GOLT1A: variants seen among roughly 807,000 people sequenced by gnomAD.
GOLT1A encodes the protein golgi transport 1A.
A neutral mutation model predicts 16.1 loss-of-function variants in GOLT1A; 10 were observed. The ratio of observed to expected loss-of-function variants is 0.62; its 90% CI spans 0.38 to 1.05. GOLT1A has a LOEUF of 1.05. GOLT1A is among the 50% of genes least tolerant of loss of function. The pLI, the probability that GOLT1A is intolerant of heterozygous loss-of-function variation, is 0.01. For synonymous variants in GOLT1A, 60 were observed against 67.9 expected, an observed-to-expected ratio of 0.88 and a Z score of 0.57; for missense variants, 137 against 165.7, an observed-to-expected ratio of 0.83 and a Z score of 0.95.
chr1:204,202,750 T>G, intron 2 of GOLT1A, 146 bp downstream of exon 2: 1 of 648,502 alleles, frequency 1.5e-6, no homozygotes. Flanking sequence ...TGGATAGGCA[T>G]GGTCTGAATA....
At chr1:204,213,807 C>T (rs1659174520) in intron 1 of GOLT1A, 75 bp downstream of exon 1, 1 of 1,533,400 alleles carries the variant, frequency 6.5e-7, no homozygotes, top group Non-Finnish European at 8.9e-7. Context: ...GACAGAGAGC[C>T]CAGCTGGGAG....
intron 2 of GOLT1A, among the ~76,000 whole-genome samples, 168 bp from the exon 3 acceptor site, chr1:204,201,979 C>T (rs899425059): frequency 6.6e-6 from 1 of 152,142 alleles, no homozygotes; most frequent in Non-Finnish European, 1.5e-5. Flanking sequence ...CTTGATAAGT[C>T]TTGCTGGCTG....
intron 2 of GOLT1A, 125 bp from the exon 3 acceptor site, chr1:204,201,936 G>C: frequency 1.2e-6 from 1 of 802,608 alleles, no homozygotes; most frequent in Non-Finnish European, 2.0e-6. Flanking sequence ...ATCTGAGCGA[G>C]GGCCATCCAG....
rs780689810 is a variant in GOLT1A at position 204,201,698 on chromosome 1, G to A, written c.231C>T (p.Ile77=). 33 of 1,614,054 alleles carry A rather than the reference G, an allele frequency of 2.0e-5. No individual in the cohort carries two copies. The highest frequency in any genetic ancestry group is 1.6e-4 in the Middle Eastern group (1 of 6,084). ...CGAGGAGGGGCCAGCGTAGGAGCAC[G>A]ATAACCACACCCCCCAGGAGGAAGC... The part of the protein sequence containing the change: ...GTSFLLGGVV[I]VLLRWPLLGM... The change falls in exon 3 of 5, where the codon ATC becomes ATT. Residue 77 remains isoleucine (I), a synonymous_variant. Coordinates refer to ENST00000308302, the MANE Select transcript of GOLT1A (RefSeq NM_198447.2).
chr1:204,213,805 G>A, intron 1 of GOLT1A, 77 bp downstream of exon 1: 1 of 1,517,346 alleles, frequency 6.6e-7, no homozygotes, highest in Non-Finnish European at 9.0e-7. Flanking sequence ...GTGACAGAGA[G>A]CCCAGCTGGG....
chr1:204,205,232 T>G (rs1219916160), intron 1 of GOLT1A, among the ~76,000 whole-genome samples: 1 of 152,242 alleles, frequency 6.6e-6, no homozygotes, highest in Non-Finnish European at 1.5e-5. Context: ...TAGAAATCAT[T>G]ATCAAATCCA....
chr1:204,213,445 A>T (rs1469615704), intron 1 of GOLT1A, among the ~76,000 whole-genome samples: 1 of 152,170 alleles, frequency 6.6e-6, no homozygotes, highest in African/African-American at 2.4e-5. Context: ...AAGGGGAAGG[A>T]TGTTTAGGAG....
At chr1:204,208,491 TATATATATATAAAAAA>T (rs1413422427) in intron 1 of GOLT1A, among the ~76,000 whole-genome samples, 2 of 87,974 alleles carry the variant, frequency 2.3e-5, no homozygotes, top group Non-Finnish European at 5.1e-5. Flanking sequence ...TATATATATA[TATATATATATAAAAAA>T]TGAACTACTA....
Position 204,199,249 on chromosome 1 carries a change from G to A in GOLT1A, c.306C>T (p.Phe102=). 1 of 1,603,780 alleles carries A rather than the reference G, an allele frequency of 6.2e-7. No homozygotes were observed. The highest frequency in any genetic ancestry group is 8.5e-7 in the Non-Finnish European group (1 of 1,176,074). Residue 102 remains phenylalanine (F), a synonymous_variant, in exon 4 of 5, where the codon TTC becomes TTT. Transcript: ENST00000308302. ...YGFFSLFKGF[F]PVAFGFLGNV... Reference sequence around the variant, plus strand: ...TGCCCAGGAAGCCGAAGGCGACAGGGAAAAAGCCCCTAGGAGCAGAGGGGA... The same window carrying A: ...TGCCCAGGAAGCCGAAGGCGACAGGAAAAAAGCCCCTAGGAGCAGAGGGGA...
intron 1 of GOLT1A, among the ~76,000 whole-genome samples, chr1:204,204,327 C>T (rs1476284904): frequency 1.3e-5 from 2 of 152,198 alleles, no homozygotes; most frequent in Admixed American, 6.5e-5. Context: ...CAGCCTCCAA[C>T]AACCACCATT....
intron 1 of GOLT1A, among the ~76,000 whole-genome samples, chr1:204,209,016 G>A (rs1659098731): frequency 6.6e-6 from 1 of 152,126 alleles, no homozygotes; most frequent in African/African-American, 2.4e-5. Context: ...TCATCATTCT[G>A]TGTGGTATTT....
chr1:204,200,299 G>GTGTATGTATATATATATATATATATATA lies in GOLT1A; in HGVS notation c.297-1042_297-1041insTATATATATATATATATATATACATACA. ...GACTGTTTGAAAATGACATATATGT[G>GTGTATGTATATATATATATATATATATA]TATATATATATATATATATATGTTT... is the stretch of plus-strand genomic sequence containing the variant. On this transcript the variant is annotated intron_variant, in intron 3 of 4. Coordinates refer to ENST00000308302, the MANE Select transcript of GOLT1A (RefSeq NM_198447.2). Among the ~76,000 whole-genome samples, 2 of 82,682 alleles carry GTGTATGTATATATATATATATATATATA rather than the reference G, an allele frequency of 2.4e-5. 1 individual carries two copies. The highest frequency in any genetic ancestry group is 8.0e-4 in the East Asian group (2 of 2,502). The allele number at this position is 82,682 out of a possible 152,430, so 54.2% of individuals were successfully genotyped here.
chr1:204,206,912 T>C (rs1557986661), intron 1 of GOLT1A, among the ~76,000 whole-genome samples: 1 of 152,226 alleles, frequency 6.6e-6, no homozygotes, highest in African/African-American at 2.4e-5. Flanking sequence ...TTCTACACTC[T>C]TCTTTAAGGG....
chr1:204,208,584 T>C (rs1659091044), intron 1 of GOLT1A, among the ~76,000 whole-genome samples: 2 of 149,518 alleles, frequency 1.3e-5, no homozygotes, highest in African/African-American at 4.9e-5. Context: ...AGATCATTAT[T>C]CTAAGTGAAG....
At position 204,208,409 on chromosome 1, in the gene GOLT1A, T is replaced by C. The variant is rs375215993; in HGVS notation, c.26-5422A>G. On this transcript the variant is annotated intron_variant, in intron 1 of 4. Transcript: ENST00000308302. ...ACACACATATGTATACATATATGTA[T>C]ATATGTATACATATGTGTATATGTA... Among the ~76,000 whole-genome samples, 2 of 99,882 alleles carry C rather than the reference T, an allele frequency of 2.0e-5. 1 individual carries two copies. The highest frequency in any genetic ancestry group is 5.9e-5 in the African/African-American group (2 of 34,030). The allele number at this position is 99,882 out of a possible 152,430, so 65.5% of individuals were successfully genotyped here. A position where few individuals can be genotyped will look rare whatever the true frequency, so the allele number is the denominator to read the frequency against.
chr1:204,198,997 T>C, intron 4 of GOLT1A, 198 bp downstream of exon 4: 1 of 585,352 alleles, frequency 1.7e-6, no homozygotes, highest in African/African-American at 1.9e-5. Context: ...CTGGATCCCC[T>C]CTCCTCATGG....
At position 204,198,480 on chromosome 1, in the gene GOLT1A, T is replaced by G; in HGVS notation, c.377A>C (p.Gln126Pro). 6.2e-7 allele frequency: 1 copy of G among 1,613,740 alleles called. No homozygotes were observed. Among genetic ancestry groups the G allele is most frequent in the Non-Finnish European group, 8.5e-7 (1 of 1,179,848 alleles). ...TTTTCAGACCATCGAGCTAGTGCCTTGAAGTCTCCGGAACAGCTGTGGGAG... is the reference window on the plus strand; with the variant it reads ...TTTTCAGACCATCGAGCTAGTGCCTGGAAGTCTCCGGAACAGCTGTGGGAG... ...PFLGALFRRL[Q>P]GTSSMV is the part of the protein sequence containing the mutation. Residue 126 changes from glutamine (Q) to proline (P), a missense_variant, in exon 5 of 5, where the codon CAA (glutamine) becomes CCA (proline). Physicochemically the swap from Gln to Pro is moderately conservative, Grantham distance 76 (BLOSUM62 -1). Coordinates refer to ENST00000308302, the MANE Select transcript of GOLT1A (RefSeq NM_198447.2).
intron 1 of GOLT1A, 100 bp downstream of exon 1, chr1:204,213,782 G>T: frequency 7.3e-7 from 1 of 1,367,784 alleles, no homozygotes; most frequent in Non-Finnish European, 1.0e-6. Flanking sequence ...TGGCTCCAGA[G>T]GTCACGCTTG....
rs368644035 is a variant in GOLT1A, at chr1:204,207,505, A to G, written c.26-4518T>C. Among the ~76,000 whole-genome samples, 222 of 152,338 alleles carry G rather than the reference A, an allele frequency of 1.5e-3. 1 individual carries two copies. The highest frequency in any genetic ancestry group is 5.2e-3 in the African/African-American group (216 of 41,566). ...CAAGAAGAGCCCATGGCCACCCGAT[A>G]CGGACAAGCCAGGCTTCCCTGACTC... On this transcript the variant is annotated intron_variant, in intron 1 of 4. Coordinates refer to ENST00000308302, the MANE Select transcript of GOLT1A (RefSeq NM_198447.2).
Sources: gnomAD v4.1 joint callset for allele counts (sites outside exome capture counted in the v4.1 genomes callset) on GRCh38, gnomAD v4.1.1 for gene constraint, MANE v1.5 for transcripts, NCBI Gene and HGNC (gene_info 2026-07-23, HGNC 2026-07-21) for gene names.